CTNND2: variants seen among roughly 807,000 people sequenced by gnomAD.
CTNND2 encodes catenin delta 2.
In CTNND2, 22 loss-of-function variants were observed where a neutral mutation model predicts 144.4. The ratio of observed to expected loss-of-function variants is 0.15; its 90% CI spans 0.11 to 0.22. The LOEUF (loss-of-function observed/expected upper bound fraction) is 0.22. CTNND2 is among the 10% of genes least tolerant of loss of function. CTNND2 has a pLI of 1.00. For synonymous variants in CTNND2, 751 were observed against 695.6 expected (o/e 1.08, Z -1.25); for missense variants, 1,353 against 1,618.8 (o/e 0.84, Z 2.82).
At chr5:11,631,227 GAA>G (rs1781398286) in intron 2 of CTNND2, among the ~76,000 whole-genome samples, 1 of 152,202 alleles carries the variant, frequency 6.6e-6, no homozygotes, top group East Asian at 1.9e-4. Flanking sequence ...CCAAAATATT[GAA>G]AGTTTTAAAG....
chr5:11,719,865 CA>C (rs1786562861), intron 2 of CTNND2, among the ~76,000 whole-genome samples: 1 of 150,464 alleles, frequency 6.6e-6, no homozygotes, highest in African/African-American at 2.5e-5. Context: ...CACACACACA[CA>C]CACACACACA....
At chr5:11,307,612 C>T (rs1750380779) in intron 9 of CTNND2, among the ~76,000 whole-genome samples, 2 of 152,066 alleles carry the variant, frequency 1.3e-5, no homozygotes, top group Non-Finnish European at 2.9e-5. Context: ...TTAACTGGGG[C>T]TCATGAAACA....
chr5:11,398,733 C>T (rs566019098), intron 5 of CTNND2, among the ~76,000 whole-genome samples: 3 of 152,260 alleles, frequency 2.0e-5, no homozygotes, highest in African/African-American at 7.2e-5. Context: ...CAGATGGTAA[C>T]ATTTCCAATA....
chr5:11,467,607 C>T (rs1214415177), intron 3 of CTNND2, among the ~76,000 whole-genome samples: 3 of 152,088 alleles, frequency 2.0e-5, no homozygotes, highest in Non-Finnish European at 2.9e-5. Flanking sequence ...AGTACGTAGA[C>T]TTAACAAATA....
intron 3 of CTNND2, among the ~76,000 whole-genome samples, chr5:11,426,212 A>G (rs957939179): frequency 4.6e-5 from 7 of 152,140 alleles, no homozygotes; most frequent in Non-Finnish European, 1.0e-4. Context: ...CTCATTCTTT[A>G]TCAAGTGCTA....
chr5:11,691,523 C>G (rs147291169), intron 2 of CTNND2, among the ~76,000 whole-genome samples: 2 of 151,896 alleles, frequency 1.3e-5, no homozygotes, highest in African/African-American at 4.8e-5. Flanking sequence ...AAAGCATCAA[C>G]TTTTTGAAAA....
At chr5:11,741,624 C>T (rs1401195608) in intron 1 of CTNND2, among the ~76,000 whole-genome samples, 3 of 151,600 alleles carry the variant, frequency 2.0e-5, no homozygotes, top group Admixed American at 1.3e-4. Flanking sequence ...ATGTAAATGT[C>T]GAGTTGATGG....
intron 12 of CTNND2, among the ~76,000 whole-genome samples, chr5:11,145,947 C>T (rs1010916357): frequency 6.6e-6 from 1 of 152,174 alleles, no homozygotes; most frequent in Non-Finnish European, 1.5e-5. Context: ...TGGCCTGGAG[C>T]ATCTCTCTGC....
intron 2 of CTNND2, among the ~76,000 whole-genome samples, chr5:11,718,606 C>A (rs1186469477): frequency 6.6e-6 from 1 of 151,320 alleles, no homozygotes; most frequent in Non-Finnish European, 1.5e-5. Context: ...AGTTCTAACA[C>A]ATTTTCTTTT....
intron 6 of CTNND2, among the ~76,000 whole-genome samples, 181 bp from the exon 7 acceptor site, chr5:11,385,410 G>A (rs917622734): frequency 2.6e-5 from 4 of 152,136 alleles, no homozygotes; most frequent in Non-Finnish European, 4.4e-5. Flanking sequence ...TCCTGGGGCG[G>A]ATTTCTTGTC....
chr5:11,693,613 G>T (rs554612737), intron 2 of CTNND2, among the ~76,000 whole-genome samples: 1 of 152,296 alleles, frequency 6.6e-6, no homozygotes, highest in Admixed American at 6.5e-5. Flanking sequence ...TCTCAATGAG[G>T]ACAGGGCTGT....
At chr5:11,120,008 C>A (rs990918238) in intron 12 of CTNND2, among the ~76,000 whole-genome samples, 1 of 152,156 alleles carries the variant, frequency 6.6e-6, no homozygotes, top group Non-Finnish European at 1.5e-5. Flanking sequence ...TCAAAATGAA[C>A]AACTTAACAT....
In CTNND2 at chr5:11,903,975, G is replaced by A. The variant is rs1210835802; in HGVS notation, c.-122C>T. 30 of 1,179,616 alleles carry A rather than the reference G, an allele frequency of 2.5e-5. No individual in the cohort carries two copies. The highest frequency in any genetic ancestry group is 3.0e-5 in the Non-Finnish European group (28 of 927,752). 73.1% of individuals were successfully genotyped at this position (1,179,616 alleles called of 1,614,324 possible). ...TCTTCCGCTTTTGTTGTCTGAGCGC[G>A]GCCGCGGGACAAGGGATGCTGGCGG... On this transcript the variant is annotated 5_prime_UTR_variant, in exon 1 of 22. Coordinates refer to ENST00000304623, the MANE Select transcript of CTNND2 (RefSeq NM_001332.4). The surrounding 1 kb of genome is among the most constrained non-coding windows in gnomAD (Gnocchi z 5.4).
intron 7 of CTNND2, among the ~76,000 whole-genome samples, chr5:11,379,894 C>T (rs144583989): frequency 6.6e-6 from 1 of 152,278 alleles, no homozygotes; most frequent in Non-Finnish European, 1.5e-5. Flanking sequence ...TCCCTCTGCG[C>T]CTTCATGTCT....
intron 15 of CTNND2, among the ~76,000 whole-genome samples, chr5:11,089,761 G>C (rs773404296): frequency 3.9e-5 from 6 of 152,222 alleles, no homozygotes; most frequent in Non-Finnish European, 8.8e-5. Flanking sequence ...TGTAATCCGA[G>C]CACTTTCGGA....
chr5:11,273,950 T>C (rs768688463), intron 9 of CTNND2, among the ~76,000 whole-genome samples: 5 of 152,176 alleles, frequency 3.3e-5, no homozygotes, highest in Non-Finnish European at 7.3e-5. Flanking sequence ...AATGAATATA[T>C]AGATTTCCTG....
intron 3 of CTNND2, among the ~76,000 whole-genome samples, chr5:11,487,605 G>A (rs1054062462): frequency 2.0e-5 from 3 of 152,078 alleles, no homozygotes; most frequent in East Asian, 1.9e-4. Flanking sequence ...TTCCAGGGAC[G>A]CTGTGAGTCT....
At chr5:11,029,402 C>A (rs1214247880) in intron 16 of CTNND2, among the ~76,000 whole-genome samples, 1 of 152,058 alleles carries the variant, frequency 6.6e-6, no homozygotes, top group Non-Finnish European at 1.5e-5. Context: ...TGATTGTTTT[C>A]TGTAGTGAAA....
At chr5:11,229,306 T>C (rs1028282658) in intron 10 of CTNND2, among the ~76,000 whole-genome samples, 2 of 152,248 alleles carry the variant, frequency 1.3e-5, no homozygotes, top group African/African-American at 4.8e-5. Context: ...CATTTATAAT[T>C]TTTGTTAGAT....
Sources: gnomAD v4.1 joint callset for allele counts (sites outside exome capture counted in the v4.1 genomes callset) on GRCh38, gnomAD v4.1.1 for gene constraint, Gnocchi (gnomAD v3.1) non-coding constraint, MANE v1.5 for transcripts, NCBI Gene and HGNC (gene_info 2026-07-23, HGNC 2026-07-21) for gene names.